Variants in LHFPL3 observed in about 807,000 individuals in gnomAD.
LHFPL3 encodes LHFPL tetraspan subfamily member 3.
A neutral mutation model predicts 19.3 loss-of-function variants in LHFPL3; 5 were observed. The ratio of observed to expected loss-of-function variants is 0.26; its 90% confidence interval spans 0.14 to 0.54. LHFPL3 has a LOEUF of 0.54. Among genes scored for constraint, LHFPL3 ranks in the 20% least tolerant of loss-of-function variants. The probability of loss-of-function intolerance (pLI) is 0.94; values close to 1 mark genes in which losing one functional copy is unlikely to be tolerated. For synonymous variants in LHFPL3, 133 were observed against 126.2 expected (o/e 1.05, Z -0.36); for missense variants, 249 against 307.4 (o/e 0.81, Z 1.42).
intron 2 of LHFPL3, among the ~76,000 whole-genome samples, chr7:104,747,104 T>TG (rs1794061107): frequency 6.6e-6 from 1 of 152,228 alleles, no homozygotes; most frequent in Non-Finnish European, 1.5e-5. Context: ...TACACCTGTA[T>TG]TTATGAGGTA....
intron 1 of LHFPL3, among the ~76,000 whole-genome samples, chr7:104,561,864 G>T (rs981961537): frequency 3.3e-5 from 5 of 152,070 alleles, no homozygotes; most frequent in African/African-American, 7.3e-5. Context: ...AGGAGCTCTT[G>T]TAAGGCAGGC....
intron 2 of LHFPL3, among the ~76,000 whole-genome samples, chr7:104,797,261 A>C (rs13230337): frequency 0.16 from 23,741 of 152,146 alleles, 2,220 homozygotes; most frequent in East Asian, 0.46. Context: ...AGCATTTCTG[A>C]ATTCCCACCT....
intron 1 of LHFPL3, among the ~76,000 whole-genome samples, chr7:104,550,839 G>A (rs1024684185): frequency 3.3e-5 from 5 of 152,160 alleles, no homozygotes; most frequent in African/African-American, 1.2e-4. Context: ...TTCCTTTAAA[G>A]TTATTTGTAT....
At chr7:104,770,510 C>T (rs571204519) in intron 2 of LHFPL3, among the ~76,000 whole-genome samples, 1 of 152,322 alleles carries the variant, frequency 6.6e-6, no homozygotes, top group East Asian at 1.9e-4. Context: ...TTTTCATGTA[C>T]ACACAAATGC....
At chr7:104,780,637 C>T (rs752285956) in intron 2 of LHFPL3, among the ~76,000 whole-genome samples, 2 of 152,184 alleles carry the variant, frequency 1.3e-5, no homozygotes, top group Non-Finnish European at 2.9e-5. Context: ...CAACCGCCCA[C>T]CCTTGCTCAC....
At chr7:104,732,016 T>G (rs1793714402) in intron 1 of LHFPL3, among the ~76,000 whole-genome samples, 1 of 152,256 alleles carries the variant, frequency 6.6e-6, no homozygotes, top group Non-Finnish European at 1.5e-5. Context: ...GTTTATATGA[T>G]GGATTACGTT....
intron 1 of LHFPL3, among the ~76,000 whole-genome samples, chr7:104,496,239 G>A (rs990609804): frequency 2.6e-5 from 4 of 152,092 alleles, no homozygotes; most frequent in African/African-American, 7.2e-5. Context: ...TTGTCCTTGC[G>A]ATAGTTTGCT....
chr7:104,755,622 A>G (rs117171444), intron 2 of LHFPL3, among the ~76,000 whole-genome samples: 1,581 of 151,950 alleles, frequency 0.01, 23 homozygotes, highest in East Asian at 0.054. Context: ...ACCCACATAT[A>G]TTAATGGAAG....
intron 1 of LHFPL3, among the ~76,000 whole-genome samples, chr7:104,445,481 G>A (rs910660398): frequency 2.6e-5 from 4 of 152,142 alleles, no homozygotes; most frequent in Non-Finnish European, 5.9e-5. Flanking sequence ...AATCAATCCA[G>A]TTAACACAGG....
chr7:104,572,752 C>T (rs1790252328), intron 1 of LHFPL3, among the ~76,000 whole-genome samples: 1 of 152,146 alleles, frequency 6.6e-6, no homozygotes, highest in African/African-American at 2.4e-5. Context: ...TGTAATTTCA[C>T]TGCTGAGTAG....
intron 1 of LHFPL3, among the ~76,000 whole-genome samples, chr7:104,671,770 G>A (rs17490468): frequency 0.04 from 6,123 of 152,066 alleles, 141 homozygotes; most frequent in African/African-American, 0.048. Flanking sequence ...CCTTCTAGGC[G>A]CTGAGTATTG....
chr7:104,614,657 T>TCTCCTCTCCTC (rs756087377), intron 1 of LHFPL3, among the ~76,000 whole-genome samples: 48 of 82,460 alleles, frequency 5.8e-4, no homozygotes, highest in African/African-American at 1.8e-3. Context: ...TCTTCTCTCC[T>TCTCCTCTCCTC]TCCTTCCTTC....
chr7:104,778,479 G>A (rs995663366), intron 2 of LHFPL3, among the ~76,000 whole-genome samples: 2 of 152,130 alleles, frequency 1.3e-5, no homozygotes, highest in African/African-American at 4.8e-5. Context: ...AGATTCCCAT[G>A]GAAGGAATGA....
At chr7:104,432,017 C>T (rs1169544177) in intron 1 of LHFPL3, among the ~76,000 whole-genome samples, 1 of 152,188 alleles carries the variant, frequency 6.6e-6, no homozygotes, top group African/African-American at 2.4e-5. Context: ...TATTTAATAT[C>T]ATACCACAGG....
intron 1 of LHFPL3, among the ~76,000 whole-genome samples, chr7:104,494,422 T>C (rs1318727865): frequency 6.6e-6 from 1 of 152,212 alleles, no homozygotes; most frequent in Non-Finnish European, 1.5e-5. Context: ...TTACCTTGCT[T>C]TCACACTGTT....
intron 2 of LHFPL3, among the ~76,000 whole-genome samples, chr7:104,883,074 C>G (rs1792086142): frequency 1.3e-5 from 2 of 152,196 alleles, no homozygotes; most frequent in African/African-American, 4.8e-5. Flanking sequence ...TTTGCTAAAT[C>G]TGGCAACTCT....
At chr7:104,620,435 T>G (rs1584444018) in intron 1 of LHFPL3, among the ~76,000 whole-genome samples, 3 of 152,264 alleles carry the variant, frequency 2.0e-5, no homozygotes, top group African/African-American at 7.2e-5. Flanking sequence ...TACCTCTTGC[T>G]TCATTGACAA....
At chr7:104,531,474 T>C (rs1794293382) in intron 1 of LHFPL3, among the ~76,000 whole-genome samples, 1 of 152,210 alleles carries the variant, frequency 6.6e-6, no homozygotes, top group African/African-American at 2.4e-5. Context: ...GTTTACATGA[T>C]TATGCCATTG....
intron 1 of LHFPL3, among the ~76,000 whole-genome samples, chr7:104,471,897 G>C (rs1411724523): frequency 6.6e-6 from 1 of 152,116 alleles, no homozygotes; most frequent in Non-Finnish European, 1.5e-5. Flanking sequence ...AAAAATTTCT[G>C]CCACATGCAA....
Sources: allele counts gnomAD v4.1 joint callset (sites outside exome capture counted in the v4.1 genomes callset), GRCh38; gene constraint gnomAD v4.1.1; transcripts MANE v1.5; gene names NCBI Gene and HGNC (gene_info 2026-07-23, HGNC 2026-07-21).